The following SORCS1 variants were observed in gnomAD, a reference collection of about 807,000 sequenced individuals.
SORCS1 encodes the protein VPS10 domain-containing receptor SorCS1.
In SORCS1, 60 loss-of-function variants were observed where a neutral mutation model predicts 146.1. The observed-to-expected ratio is 0.41, with a 90% CI of 0.33 to 0.51. The LOEUF (loss-of-function observed/expected upper bound fraction) is 0.51. Ranked by LOEUF, SORCS1 falls within the 20% of genes least tolerant of loss-of-function variation. The pLI, the probability that SORCS1 is intolerant of heterozygous loss-of-function variation, is 0.21. For missense variants in SORCS1, 1,352 were observed against 1,487.6 expected (o/e 0.91, Z 1.50); for synonymous variants, 637 against 584.0 (o/e 1.09, Z -1.31).
chr10:106,860,336 C>A (rs1223156579), intron 2 of SORCS1, among the ~76,000 whole-genome samples: 5 of 152,176 alleles, frequency 3.3e-5, no homozygotes. Context: ...CCAGGTACTT[C>A]TAGTCTGACA....
intron 2 of SORCS1, among the ~76,000 whole-genome samples, chr10:106,915,335 C>G (rs1952365283): frequency 6.6e-6 from 1 of 152,174 alleles, no homozygotes; most frequent in Non-Finnish European, 1.5e-5. Flanking sequence ...TAAATAGAAA[C>G]AAACCAATGC....
Position 106,912,112 on chromosome 10 carries a change from CA to C in SORCS1, c.626+44400del, listed in dbSNP as rs369514401. On this transcript the variant is annotated intron_variant, in intron 2 of 25. Coordinates refer to ENST00000263054, the MANE Select transcript of SORCS1 (RefSeq NM_052918.5). ...TGAGCGACAGATTGAGCCTCCGTCT[CA>C]AAAAAAAAAAACAAACAAACAAACA... Among the ~76,000 whole-genome samples the C allele has an allele frequency of 3.8e-4, 48 of 124,824 alleles. 1 individual carries two copies. Among genetic ancestry groups the C allele is most frequent in the East Asian group, 1.4e-3 (6 of 4,254 alleles). The allele number at this position is 124,824 out of a possible 152,430, so 81.9% of individuals were successfully genotyped here.
chr10:106,823,218 C>T (rs761741271), intron 3 of SORCS1, among the ~76,000 whole-genome samples: 10 of 152,178 alleles, frequency 6.6e-5, no homozygotes, highest in Non-Finnish European at 1.2e-4. Flanking sequence ...GAATGTCATG[C>T]ACCCCCTTTG....
chr10:106,718,227 C>T (rs1361653459), intron 6 of SORCS1, among the ~76,000 whole-genome samples: 1 of 152,190 alleles, frequency 6.6e-6, no homozygotes, highest in African/African-American at 2.4e-5. Flanking sequence ...GAAACCCACA[C>T]TAGAACCTAG....
chr10:107,120,661 G>T (rs1446620611), intron 1 of SORCS1, among the ~76,000 whole-genome samples: 2 of 152,192 alleles, frequency 1.3e-5, no homozygotes, highest in Non-Finnish European at 2.9e-5. Context: ...CTCTAAGGGA[G>T]GACTCTTTCC....
At chr10:106,839,019 C>T (rs1399934689) in intron 2 of SORCS1, among the ~76,000 whole-genome samples, 1 of 152,146 alleles carries the variant, frequency 6.6e-6, no homozygotes, top group East Asian at 1.9e-4. Context: ...CTATCCCTTT[C>T]TCCCTCCTTT....
At chr10:106,973,766 G>T (rs1238268879) in intron 1 of SORCS1, among the ~76,000 whole-genome samples, 1 of 152,168 alleles carries the variant, frequency 6.6e-6, no homozygotes, top group Non-Finnish European at 1.5e-5. Flanking sequence ...GCACATAAAA[G>T]TGAAGAATTA....
rs1322340579 is a variant in SORCS1 at position 106,795,112 on chromosome 10, T to C, written c.727-18420A>G. 2.0e-5 allele frequency among the ~76,000 whole-genome samples: 3 copies of C among 152,344 alleles called. No homozygotes were observed. The East Asian group carries it at 5.8e-4, about 29-fold the overall frequency. The stretch of plus-strand genomic sequence containing the variant: ...GAATGTAGCATTTTCTAAGTGAAAT[T>C]AAAAGTTCTAACACCATAAGAATTC... On this transcript the variant is annotated intron_variant, in intron 3 of 25. Transcript: ENST00000263054.
chr10:106,944,088 C>T (rs946196251), intron 2 of SORCS1, among the ~76,000 whole-genome samples: 1 of 152,174 alleles, frequency 6.6e-6, no homozygotes, highest in Non-Finnish European at 1.5e-5. Flanking sequence ...TTGGCCCCTT[C>T]TCATCTCTTA....
At chr10:106,834,476 C>A (rs1430620876) in intron 2 of SORCS1, among the ~76,000 whole-genome samples, 1 of 151,960 alleles carries the variant, frequency 6.6e-6, no homozygotes, top group Non-Finnish European at 1.5e-5. Flanking sequence ...ATGATAGGAT[C>A]CATTCTTGAG....
intron 1 of SORCS1, among the ~76,000 whole-genome samples, chr10:107,146,057 A>G (rs529931010): frequency 4.6e-4 from 70 of 152,218 alleles, no homozygotes; most frequent in Admixed American, 1.3e-3. Context: ...TTGCATCCTT[A>G]TATAACAGAA....
intron 13 of SORCS1, among the ~76,000 whole-genome samples, chr10:106,675,669 T>A (rs1047842576): frequency 6.6e-6 from 1 of 152,218 alleles, no homozygotes; most frequent in Admixed American, 6.5e-5. Context: ...CAAGAGAAGA[T>A]AATTCTTCAG....
intron 5 of SORCS1, among the ~76,000 whole-genome samples, chr10:106,752,918 T>C (rs939541196): frequency 6.6e-6 from 1 of 152,150 alleles, no homozygotes; most frequent in Non-Finnish European, 1.5e-5. Context: ...TCAGGAAATA[T>C]GGAAGCCTAT....
chr10:106,963,695 T>C (rs1039946045), intron 1 of SORCS1, among the ~76,000 whole-genome samples: 1 of 152,030 alleles, frequency 6.6e-6, no homozygotes, highest in Non-Finnish European at 1.5e-5. Context: ...CATCCAAGAA[T>C]AAGAACTTCC....
chr10:106,998,106 C>T (rs940433574), intron 1 of SORCS1, among the ~76,000 whole-genome samples: 32 of 152,222 alleles, frequency 2.1e-4, no homozygotes, highest in African/African-American at 7.7e-4. Flanking sequence ...GAATGTCAGG[C>T]CCCATAATTT....
At position 106,577,170 on chromosome 10, in the gene SORCS1, T is replaced by C; in HGVS notation, c.*250A>G. On this transcript the variant is annotated 3_prime_UTR_variant, in exon 26 of 26. Transcript: ENST00000263054. ...TTTGTTTGGATTTTGATTGTTTATA[T>C]TTTATGTTTTGTTTTGTTTTTGTTT... 1.4e-6 allele frequency: 2 copies of C among 1,416,038 alleles called. No individual in the cohort carries two copies. The highest frequency in any genetic ancestry group is 1.4e-5 in the African/African-American group (1 of 69,432). 87.7% of individuals were successfully genotyped at this position (1,416,038 alleles called of 1,614,324 possible).
intron 1 of SORCS1, among the ~76,000 whole-genome samples, chr10:106,973,081 C>G (rs997622696): frequency 2.0e-5 from 3 of 152,102 alleles, no homozygotes; most frequent in African/African-American, 7.2e-5. Flanking sequence ...TTGCTCGACC[C>G]TCAGCAGGTA....
At chr10:106,933,985 T>C (rs1338227634) in intron 2 of SORCS1, among the ~76,000 whole-genome samples, 1 of 151,434 alleles carries the variant, frequency 6.6e-6, no homozygotes, top group Middle Eastern at 3.2e-3. Context: ...TCCCAGCTAC[T>C]TGGGAGGATG....
intron 2 of SORCS1, among the ~76,000 whole-genome samples, chr10:106,920,595 C>T (rs1383577795): frequency 6.6e-6 from 1 of 152,180 alleles, no homozygotes; most frequent in African/African-American, 2.4e-5. Context: ...GACGTGTGGT[C>T]ATCTGCTCTT....
Sources: allele counts gnomAD v4.1 joint callset (sites outside exome capture counted in the v4.1 genomes callset), GRCh38; gene constraint gnomAD v4.1.1; transcripts MANE v1.5; gene names NCBI Gene and HGNC (gene_info 2026-07-23, HGNC 2026-07-21).